DAPK2: variants seen among roughly 807,000 people sequenced by gnomAD.
DAPK2 encodes the protein death-associated protein kinase 2.
Under a neutral mutation model 44.1 loss-of-function variants are expected in DAPK2, and 35 were observed. That is an observed-to-expected ratio of 0.79 (90% CI 0.61 to 1.05). The LOEUF (loss-of-function observed/expected upper bound fraction) is 1.05, where lower values mean the gene tolerates loss of function less well. Ranked by LOEUF, DAPK2 falls within the 50% of genes least tolerant of loss-of-function variation. DAPK2 has a pLI of 0.00. For synonymous variants in DAPK2, 174 were observed against 182.6 expected, an observed-to-expected ratio of 0.95 and a Z score of 0.38; for missense variants, 453 against 483.2, an observed-to-expected ratio of 0.94 and a Z score of 0.59.
rs1567204744 is a variant in DAPK2, at chr15:63,923,262, G to A, written c.858+1554C>T. 3 of 1,535,950 alleles carry A rather than the reference G, an allele frequency of 2.0e-6. No homozygotes were observed. The highest frequency in any genetic ancestry group is 1.7e-6 in the Non-Finnish European group (2 of 1,146,754). On this transcript the variant is annotated intron_variant, in intron 8 of 10. Transcript: ENST00000261891. This position sits in a 1 kb window ranked among gnomAD's most constrained non-coding sequence, Gnocchi z 4.2. ...GGAGGCATGCTTGAGTGGCATTTGAGAGTGTACTCTCTCAGGTGCTTGGTC... is the reference window on the plus strand; with the variant it reads ...GGAGGCATGCTTGAGTGGCATTTGAAAGTGTACTCTCTCAGGTGCTTGGTC...
intron 1 of DAPK2, among the ~76,000 whole-genome samples, chr15:64,001,329 A>G (rs555048080): frequency 1.5e-4 from 23 of 152,260 alleles, no homozygotes; most frequent in Middle Eastern, 3.4e-3. Flanking sequence ...TGCTTCCCCA[A>G]GCAGCTTGGC....
intron 3 of DAPK2, among the ~76,000 whole-genome samples, chr15:63,962,620 A>C (rs139651141): frequency 0.033 from 5,012 of 152,360 alleles, 172 homozygotes; most frequent in Admixed American, 0.11. Flanking sequence ...GGTCCACTCC[A>C]GACCCTGTTT....
At chr15:64,011,592 G>A (rs2079391341) in intron 1 of DAPK2, among the ~76,000 whole-genome samples, 1 of 152,164 alleles carries the variant, frequency 6.6e-6, no homozygotes, top group African/African-American at 2.4e-5. Context: ...GTTGATGCTT[G>A]GATAATGAAA....
intron 2 of DAPK2, among the ~76,000 whole-genome samples, chr15:63,981,596 TA>T (rs1430919713): frequency 1.3e-5 from 2 of 151,784 alleles, no homozygotes. Context: ...CAGAAAAACA[TA>T]AATAGCTGTG....
rs554812599 is a variant in DAPK2 at position 64,013,098 on chromosome 15, C to T, written c.92+27072G>A. ...CCTGAAAGGAGGCCTGAGACCCCTG[C>T]CACCCCAGACCCCCAGACAACCCAT... On this transcript the variant is annotated intron_variant, in intron 1 of 10. Coordinates refer to ENST00000261891, the Ensembl canonical transcript of DAPK2. This position sits in a 1 kb window ranked among gnomAD's most constrained non-coding sequence, Gnocchi z 4.7. 2.0e-5 allele frequency among the ~76,000 whole-genome samples: 3 copies of T among 152,310 alleles called. No individual in the cohort carries two copies. The East Asian group carries it at 5.8e-4, about 29-fold the overall frequency.
intron 1 of DAPK2, among the ~76,000 whole-genome samples, chr15:64,002,974 CTGTGTGTGTG>C (rs58879927): frequency 4.5e-4 from 23 of 51,594 alleles, no homozygotes; most frequent in Admixed American, 1.1e-3. Flanking sequence ...GTCGTGGGAC[CTGTGTGTGTG>C]TGTGTGTGTG....
intron 2 of DAPK2, among the ~76,000 whole-genome samples, chr15:63,981,629 T>A (rs2078517113): frequency 6.6e-6 from 1 of 151,798 alleles, no homozygotes; most frequent in Non-Finnish European, 1.5e-5. Context: ...GGATTATAAA[T>A]GTAATTTCTT....
intron 3 of DAPK2, among the ~76,000 whole-genome samples, chr15:63,951,338 C>T (rs2140529835): frequency 6.6e-6 from 1 of 152,310 alleles, no homozygotes; most frequent in Non-Finnish European, 1.5e-5. Context: ...CTGGGTGATA[C>T]TGAGCCCTGT....
chr15:63,962,284 C>T lies in DAPK2; in HGVS notation c.453+9139G>A, dbSNP rs191479020. Reference sequence around the variant, plus strand: ...GTTTTTAGCTTATTTGCGATGGGTTCGAACATCCTCCTTTAGCTCAGAGAA... The same window carrying T: ...GTTTTTAGCTTATTTGCGATGGGTTTGAACATCCTCCTTTAGCTCAGAGAA... On this transcript the variant is annotated intron_variant, in intron 3 of 10. Transcript: ENST00000261891. Among the ~76,000 whole-genome samples, 16 of 152,258 alleles carry T rather than the reference C, an allele frequency of 1.1e-4. No individual in the cohort carries two copies. In the East Asian group the frequency reaches 2.3e-3, roughly 22 times the overall value.
intron 6 of DAPK2, 189 bp downstream of exon 7, chr15:63,929,362 C>T: frequency 1.5e-6 from 1 of 684,742 alleles, no homozygotes; most frequent in Non-Finnish European, 2.4e-6. Flanking sequence ...CCTATTCAAC[C>T]TCAATGCCAG....
At chr15:63,922,464 G>A (rs1291513299) in intron 8 of DAPK2, 1 of 1,206,718 alleles carries the variant, frequency 8.3e-7, no homozygotes, top group Admixed American at 4.0e-5. Context: ...TCCCTCTGCA[G>A]AAGGGGACCC....
intron 3 of DAPK2, among the ~76,000 whole-genome samples, chr15:63,950,868 C>A (rs1465236824): frequency 6.6e-6 from 1 of 152,192 alleles, no homozygotes; most frequent in Non-Finnish European, 1.5e-5. Flanking sequence ...GTAAACACAT[C>A]ATGTTCTAGA....
intron 10 of DAPK2, 121 bp downstream of exon 11, chr15:63,911,787 G>C (rs2146476739): frequency 2.0e-6 from 2 of 977,934 alleles, no homozygotes; most frequent in South Asian, 3.0e-5. Flanking sequence ...GACTGGGCCA[G>C]CAGAACTGGC....
intron 2 of DAPK2, among the ~76,000 whole-genome samples, chr15:63,977,721 A>G (rs1441084417): frequency 6.6e-6 from 1 of 152,164 alleles, no homozygotes; most frequent in Non-Finnish European, 1.5e-5. Context: ...TCCTCACTTG[A>G]GCTTGATATC....
intron 3 of DAPK2, among the ~76,000 whole-genome samples, chr15:63,958,546 G>A (rs2077793353): frequency 6.6e-6 from 1 of 152,120 alleles, no homozygotes; most frequent in South Asian, 2.1e-4. Flanking sequence ...TGTAAGGAAG[G>A]GATCCAGTTT....
rs778067790 is a variant in DAPK2 at position 63,939,192 on chromosome 15, C to T, written c.583+40G>A. 6.2e-7 allele frequency: 1 copy of T among 1,609,282 alleles called. No homozygotes were observed. Among genetic ancestry groups the T allele is most frequent in the Admixed American group, 1.7e-5 (1 of 59,330 alleles). On this transcript the variant is annotated intron_variant, in intron 4 of 10. Transcript: ENST00000261891. This position sits in a 1 kb window ranked among gnomAD's most constrained non-coding sequence, Gnocchi z 4.3. ...CTTCCCAGGATCCCTACCTTTGATG[C>T]CAGATTCTTAGCTGAAAGACAAACA...
intron 3 of DAPK2, among the ~76,000 whole-genome samples, chr15:63,969,349 G>C (rs778793718): frequency 2.0e-5 from 3 of 152,128 alleles, no homozygotes; most frequent in Non-Finnish European, 4.4e-5. Context: ...GAGCCTGAGA[G>C]GTCTAGTCTG....
chr15:63,923,045 G>A lies in DAPK2; in HGVS notation c.858+1771C>T. The A allele has an allele frequency of 6.5e-7, 1 of 1,535,812 alleles. No individual in the cohort carries two copies. Among genetic ancestry groups the A allele is most frequent in the South Asian group, 1.2e-5 (1 of 84,030 alleles). On this transcript the variant is annotated intron_variant, in intron 8 of 10. Coordinates refer to ENST00000261891, the Ensembl canonical transcript of DAPK2. The surrounding 1 kb of genome is among the most constrained non-coding windows in gnomAD (Gnocchi z 4.2). ...CTTGCGGAACTCATACCTGAGCTGG[G>A]ACAGGTCATGCCGGGCGCTCTCATT...
chr15:63,990,303 C>G lies in DAPK2; in HGVS notation c.93-6549G>C, dbSNP rs913237946. Among the ~76,000 whole-genome samples the G allele has an allele frequency of 1.3e-5, 2 of 152,126 alleles. No individual in the cohort carries two copies. The highest frequency in any genetic ancestry group is 1.3e-4 in the Admixed American group (2 of 15,266). ...AATTAGCTGGGCATGGTGGTGCACACCTGTAGTCCCAACTACTCGAAGGGT... is the reference window on the plus strand; with the variant it reads ...AATTAGCTGGGCATGGTGGTGCACAGCTGTAGTCCCAACTACTCGAAGGGT... On this transcript the variant is annotated intron_variant, in intron 1 of 10. Transcript: ENST00000261891. The surrounding 1 kb of genome is among the most constrained non-coding windows in gnomAD (Gnocchi z 4.3).
Sources: allele counts gnomAD v4.1 joint callset (sites outside exome capture counted in the v4.1 genomes callset), GRCh38; gene constraint gnomAD v4.1.1; non-coding constraint Gnocchi (gnomAD v3.1); transcripts MANE v1.5; gene names NCBI Gene and HGNC (gene_info 2026-07-23, HGNC 2026-07-21).